The following TCEA1 variants were observed in gnomAD, a reference collection of about 807,000 sequenced individuals.
TCEA1 encodes transcription elongation factor A protein 1.
TCEA1 carries 21 observed loss-of-function variants against 43.8 expected under a neutral mutation model. That is an observed-to-expected ratio of 0.48 (90% CI 0.34 to 0.69). TCEA1 has a LOEUF of 0.69. TCEA1 is among the 30% of genes least tolerant of loss of function. The pLI is 0.01. For synonymous variants in TCEA1, 104 were observed against 117.5 expected (o/e 0.88, Z 0.75); for missense variants, 250 against 365.1 (o/e 0.68, Z 2.57).
At chr8:53,993,893 A>G in intron 3 of TCEA1, 138 bp from the exon 4 acceptor site, 1 of 677,654 alleles carries the variant, frequency 1.5e-6, no homozygotes, top group South Asian at 1.8e-5. Flanking sequence ...ATAAGCTATT[A>G]GCATATGTAC....
chr8:53,982,224 G>A (rs1723746025), intron 7 of TCEA1, among the ~76,000 whole-genome samples: 1 of 152,042 alleles, frequency 6.6e-6, no homozygotes, highest in South Asian at 2.1e-4. Context: ...ATTGAGAAGA[G>A]GTCAATATGT....
chr8:54,002,829 A>C (rs1031446925), intron 2 of TCEA1: 1 of 451,184 alleles, frequency 2.2e-6, no homozygotes, highest in African/African-American at 2.0e-5. Flanking sequence ...TCTAGCAGAT[A>C]AAATATGTGC....
At chr8:54,014,101 C>G (rs1804743852) in intron 1 of TCEA1, among the ~76,000 whole-genome samples, 1 of 152,094 alleles carries the variant, frequency 6.6e-6, no homozygotes, top group Admixed American at 6.5e-5. Context: ...CTTAACTACA[C>G]ACAAAAAAAA....
intron 2 of TCEA1, among the ~76,000 whole-genome samples, chr8:54,009,582 A>G (rs997873650): frequency 3.9e-5 from 6 of 152,242 alleles, no homozygotes; most frequent in Admixed American, 1.3e-4. Context: ...GACAAATACC[A>G]CGTTCTCACT....
At chr8:53,997,550 G>A (rs1213337138) in intron 3 of TCEA1, among the ~76,000 whole-genome samples, 1 of 152,130 alleles carries the variant, frequency 6.6e-6, no homozygotes, top group African/African-American at 2.4e-5. Context: ...TGTACAACCT[G>A]ATCTAATCAT....
intron 8 of TCEA1, among the ~76,000 whole-genome samples, chr8:53,970,765 G>GT (rs1803133257): frequency 6.6e-6 from 1 of 152,020 alleles, no homozygotes; most frequent in Admixed American, 6.5e-5. Context: ...AAATTCATCA[G>GT]TAAGTTATTT....
chr8:54,007,589 T>G (rs971763774), intron 2 of TCEA1, among the ~76,000 whole-genome samples: 1 of 152,230 alleles, frequency 6.6e-6, no homozygotes. Context: ...ATTTGTGAAT[T>G]ATTTTAGTTT....
chr8:53,997,072 A>AT (rs1191649944), intron 3 of TCEA1, among the ~76,000 whole-genome samples: 2 of 151,598 alleles, frequency 1.3e-5, no homozygotes, highest in African/African-American at 2.4e-5. Flanking sequence ...CACTCAGCTA[A>AT]TTTTTTTGTA....
chr8:53,978,357 A>G (rs912229730), intron 8 of TCEA1, among the ~76,000 whole-genome samples: 1 of 152,186 alleles, frequency 6.6e-6, no homozygotes, highest in Non-Finnish European at 1.5e-5. Context: ...TCAGTTATCT[A>G]TGGTCTGAAA....
chr8:54,001,732 A>G (rs1417008818), intron 2 of TCEA1, among the ~76,000 whole-genome samples: 1 of 152,148 alleles, frequency 6.6e-6, no homozygotes, highest in African/African-American at 2.4e-5. Flanking sequence ...TTATCAGAGG[A>G]TGTTTTGATT....
rs1804401944 is a variant in TCEA1 at position 54,005,191 on chromosome 8, C to T, written c.127-5141G>A. 2.0e-5 allele frequency among the ~76,000 whole-genome samples: 3 copies of T among 152,316 alleles called. No homozygotes were observed. In the South Asian group the frequency reaches 6.2e-4, roughly 32 times the overall value. On this transcript the variant is annotated intron_variant, in intron 2 of 9. Coordinates refer to ENST00000521604, the MANE Select transcript of TCEA1 (RefSeq NM_006756.4). ...CTATGCTATTACTTCCCAAATATTT[C>T]CTAAACCTGTCCTTTCTCTTATATT...
At chr8:53,981,754 C>CT (rs113461227) in intron 7 of TCEA1, among the ~76,000 whole-genome samples, 4,017 of 140,730 alleles carry the variant, frequency 0.029, 58 homozygotes, top group African/African-American at 0.044. Flanking sequence ...GTAATTCTGA[C>CT]TTTTTTTTTT....
chr8:53,982,345 C>T (rs151170824), intron 7 of TCEA1, among the ~76,000 whole-genome samples: 3,406 of 152,114 alleles, frequency 0.022, 121 homozygotes, highest in African/African-American at 0.077. Context: ...CGGTGGCTCA[C>T]GCCTGTAATC....
At chr8:53,970,658 CTTCT>C (rs1803130207) in intron 8 of TCEA1, among the ~76,000 whole-genome samples, 195 bp from the exon 9 acceptor site, 1 of 152,004 alleles carries the variant, frequency 6.6e-6, no homozygotes, top group African/African-American at 2.4e-5. Context: ...TTCCTAAGTC[CTTCT>C]TTGTCTTTCC....
rs558668905 is a variant in TCEA1, at chr8:53,967,206, G to C, written c.*898C>G. On this transcript the variant is annotated 3_prime_UTR_variant, in exon 10 of 10. Transcript: ENST00000521604. The stretch of plus-strand genomic sequence containing the variant: ...TAATCCTTGGTCAGTATAGATTTCC[G>C]AATCAAAATCTAGTCATGAACTGTT... 1.5e-5 allele frequency: 3 copies of C among 203,418 alleles called. No individual in the cohort carries two copies. The highest frequency in any genetic ancestry group is 3.0e-5 in the Non-Finnish European group (3 of 98,984). 12.6% of individuals were successfully genotyped at this position (203,418 alleles called of 1,614,324 possible).
At chr8:54,021,807 T>A (rs1006310510) in intron 1 of TCEA1, 4 of 356,454 alleles carry the variant, frequency 1.1e-5, no homozygotes, top group African/African-American at 8.6e-5. Context: ...CCCTAATCCC[T>A]AAATCGATTA....
At chr8:54,020,698 T>C (rs1655530809) in intron 1 of TCEA1, among the ~76,000 whole-genome samples, 1 of 152,228 alleles carries the variant, frequency 6.6e-6, no homozygotes, top group African/African-American at 2.4e-5. Flanking sequence ...CACAGCTCTG[T>C]GTGAGTCACA....
intron 4 of TCEA1, among the ~76,000 whole-genome samples, chr8:53,989,796 T>A (rs893316485): frequency 1.3e-5 from 2 of 152,180 alleles, no homozygotes; most frequent in African/African-American, 4.8e-5. Context: ...GCAAGACTTT[T>A]CACAGTGGTG....
Position 54,022,282 on chromosome 8 carries a change from G to A in TCEA1, c.-157C>T. On this transcript the variant is annotated 5_prime_UTR_variant, in exon 1 of 10. Transcript: ENST00000521604. ...CTTCCTTACGAACGAAGCCCGCGGC[G>A]GCGGCGGCGGCGGCGGCGGCTCCGG... is the stretch of plus-strand genomic sequence containing the variant. The A allele has an allele frequency of 1.3e-6, 1 of 777,084 alleles. No individual in the cohort carries two copies. Among genetic ancestry groups the A allele is most frequent in the Non-Finnish European group, 2.1e-6 (1 of 482,286 alleles). 48.1% of individuals were successfully genotyped at this position (777,084 alleles called of 1,614,324 possible). A position where few individuals can be genotyped will look rare whatever the true frequency, so the allele number is the denominator to read the frequency against.
Sources: allele counts gnomAD v4.1 joint callset (sites outside exome capture counted in the v4.1 genomes callset), GRCh38; gene constraint gnomAD v4.1.1; transcripts MANE v1.5; gene names NCBI Gene and HGNC (gene_info 2026-07-23, HGNC 2026-07-21).